Variants in ARNT observed in about 807,000 individuals in gnomAD.
ARNT encodes class E basic helix-loop-helix protein 2.
A neutral mutation model predicts 105.0 loss-of-function variants in ARNT; 30 were observed. The observed-to-expected ratio is 0.29, with a 90% CI of 0.21 to 0.39. The LOEUF is 0.39. Ranked by LOEUF, ARNT falls within the 10% of genes least tolerant of loss-of-function variation. The pLI is 1.00. For synonymous variants in ARNT, 304 were observed against 344.0 expected, an observed-to-expected ratio of 0.88 and a Z score of 1.29; for missense variants, 748 against 978.7, an observed-to-expected ratio of 0.76 and a Z score of 3.15.
At chr1:150,868,274 GCAAGACCCTGTCTCAAAAAAGAGT>G (rs1310906004) in intron 1 of ARNT, among the ~76,000 whole-genome samples, 1 of 151,994 alleles carries the variant, frequency 6.6e-6, no homozygotes, top group Non-Finnish European at 1.5e-5. Flanking sequence ...GGGCAACATA[GCAAGACCCTGTCTCAAAAAAGAGT>G]CAAGACCCTG....
intron 3 of ARNT, among the ~76,000 whole-genome samples, chr1:150,850,683 C>T (rs1663206563): frequency 6.6e-6 from 1 of 152,260 alleles, no homozygotes; most frequent in South Asian, 2.1e-4. Context: ...GCCAGGATTG[C>T]AGCCTCTGCC....
intron 1 of ARNT, among the ~76,000 whole-genome samples, chr1:150,876,153 A>G (rs1368623139): frequency 1.3e-5 from 2 of 152,252 alleles, no homozygotes; most frequent in Non-Finnish European, 2.9e-5. Flanking sequence ...AACTACTCTT[A>G]AAGTAAACCG....
intron 1 of ARNT, among the ~76,000 whole-genome samples, chr1:150,866,645 G>A (rs879347806): frequency 2.5e-4 from 38 of 151,994 alleles, no homozygotes; most frequent in Non-Finnish European, 4.6e-4. Flanking sequence ...ATATATGGAT[G>A]TATAGTTTTG....
intron 12 of ARNT, among the ~76,000 whole-genome samples, chr1:150,827,205 C>G (rs1658466838): frequency 6.6e-6 from 1 of 151,998 alleles, no homozygotes; most frequent in South Asian, 2.1e-4. Flanking sequence ...ATTCATAATT[C>G]AGCCATTCTA....
intron 2 of ARNT, among the ~76,000 whole-genome samples, chr1:150,856,404 C>T (rs1025796803): frequency 1.3e-5 from 2 of 152,064 alleles, no homozygotes; most frequent in South Asian, 2.1e-4. Context: ...CACACTACTG[C>T]ACTCCAGCCT....
intron 15 of ARNT, 137 bp from the exon 16 acceptor site, chr1:150,817,570 G>T: frequency 1.3e-6 from 1 of 777,360 alleles, no homozygotes; most frequent in South Asian, 1.8e-5. Flanking sequence ...CACTTTGGGA[G>T]GCCGAAGCAG....
chr1:150,857,498 G>C (rs974307690), intron 2 of ARNT, among the ~76,000 whole-genome samples: 1 of 152,146 alleles, frequency 6.6e-6, no homozygotes, highest in Non-Finnish European at 1.5e-5. Context: ...TGTTACTCAT[G>C]TTACCACTGA....
intron 3 of ARNT, among the ~76,000 whole-genome samples, chr1:150,851,185 A>AGCCACCCCGTCCG (rs1557928132): frequency 6.7e-6 from 1 of 148,758 alleles, no homozygotes; most frequent in East Asian, 2.1e-4. Context: ...CACCCCGTCC[A>AGCCACCCCGTCCG]GGAGAGAGGC....
rs587710214 is a variant in ARNT at position 150,872,639 on chromosome 1, C to A, written c.25+3904G>T. 5.3e-5 allele frequency among the ~76,000 whole-genome samples: 8 copies of A among 152,288 alleles called. No individual in the cohort carries two copies. The East Asian group carries it at 1.4e-3, about 26-fold the overall frequency. On this transcript the variant is annotated intron_variant, in intron 1 of 21. Transcript: ENST00000358595. Reference sequence around the variant, plus strand: ...CTCCCAACTGTTCCCTCAGCCAATGCATTACAAATGACACATTCAATTTAA... The same window carrying A: ...CTCCCAACTGTTCCCTCAGCCAATGAATTACAAATGACACATTCAATTTAA...
chr1:150,875,498 C>G (rs587715681), intron 1 of ARNT, among the ~76,000 whole-genome samples: 40 of 151,390 alleles, frequency 2.6e-4, no homozygotes, highest in African/African-American at 8.9e-4. Flanking sequence ...CTCCGCCCCA[C>G]GCAACACACA....
Position 150,858,370 on chromosome 1 carries a change from C to G in ARNT, c.116G>C (p.Arg39Thr). Residue 39 changes from arginine (R) to threonine (T), a missense_variant, in exon 2 of 22, where the codon AGG (arginine) becomes ACG (threonine). Physicochemically the swap from Arg to Thr is moderately conservative, Grantham distance 71 (BLOSUM62 -1). Coordinates refer to ENST00000358595, the MANE Select transcript of ARNT (RefSeq NM_001668.4). ...TCACCCTGGTCGCCGCTTAATAGCC[C>G]TCTGGACAATGGCTCCTCCACCTTG... ...GIQGGGAIVQ[R>T]AIKRRPGLDF... 6.2e-7 allele frequency: 1 copy of G among 1,608,372 alleles called. No homozygotes were observed. Among genetic ancestry groups the G allele is most frequent in the Non-Finnish European group, 8.5e-7 (1 of 1,177,160 alleles).
At chr1:150,842,263 C>T (rs1661423233) in intron 5 of ARNT, 161 bp downstream of exon 5, 1 of 985,186 alleles carries the variant, frequency 1.0e-6, no homozygotes, top group Admixed American at 6.2e-5. Flanking sequence ...ATGGGGGAAG[C>T]CAAAGTTCCT....
intron 3 of ARNT, among the ~76,000 whole-genome samples, chr1:150,851,456 T>G (rs587651743): frequency 1.9e-4 from 29 of 152,344 alleles, no homozygotes; most frequent in Admixed American, 6.5e-4. Context: ...AATCAGATTG[T>G]TGCTGTGTCT....
intron 21 of ARNT, 44 bp from the exon 22 acceptor site, chr1:150,812,154 T>C (rs1431652959): frequency 1.4e-6 from 2 of 1,408,854 alleles, no homozygotes; most frequent in African/African-American, 2.9e-5. Context: ...CACCTTGATC[T>C]CTTACACTTA....
chr1:150,846,439 G>A, intron 3 of ARNT, 132 bp from the exon 4 acceptor site: 1 of 822,136 alleles, frequency 1.2e-6, no homozygotes, highest in Non-Finnish European at 1.9e-6. Flanking sequence ...CAAAGTGATA[G>A]AAATAACAGC....
chr1:150,864,424 A>G (rs1666177340), intron 1 of ARNT, among the ~76,000 whole-genome samples: 1 of 152,140 alleles, frequency 6.6e-6, no homozygotes, highest in South Asian at 2.1e-4. Context: ...ATGGAATACT[A>G]TGCAGCCATA....
intron 1 of ARNT, among the ~76,000 whole-genome samples, chr1:150,859,732 G>A (rs1015180505): frequency 3.9e-5 from 6 of 152,120 alleles, no homozygotes; most frequent in Non-Finnish European, 5.9e-5. Flanking sequence ...GGTGCAGGCT[G>A]GGCACAGTGG....
intron 21 of ARNT, 99 bp from the exon 22 acceptor site, chr1:150,812,209 C>T (rs957422206): frequency 2.9e-5 from 24 of 831,134 alleles, no homozygotes; most frequent in Admixed American, 2.7e-4. Context: ...TCCCTGACCC[C>T]GAGTCTTTGC....
At position 150,823,256 on chromosome 1, in the gene ARNT, A is replaced by G. The variant is rs762042083; in HGVS notation, c.1332T>C (p.Phe444=). The G allele has an allele frequency of 5.5e-5, 89 of 1,613,966 alleles. 2 individuals are homozygous for G. In the South Asian group the frequency reaches 9.7e-4, roughly 18 times the overall value. Residue 444 remains phenylalanine (F), a synonymous_variant, in exon 14 of 22, where the codon TTT becomes TTC. Coordinates refer to ENST00000358595, the MANE Select transcript of ARNT (RefSeq NM_001668.4). Reference sequence around the variant, plus strand: ...CATCTGAGTAAGGGTTCTGGAAAGTAAAGGAGCTGGTTCTCATCCAGAGCC... The same window carrying G: ...CATCTGAGTAAGGGTTCTGGAAAGTGAAGGAGCTGGTTCTCATCCAGAGCC... ...QEWLWMRTSS[F]TFQNPYSDEI... is the part of the protein sequence containing the mutation.
Sources: allele counts gnomAD v4.1 joint callset (sites outside exome capture counted in the v4.1 genomes callset), GRCh38; gene constraint gnomAD v4.1.1; transcripts MANE v1.5; gene names NCBI Gene and HGNC (gene_info 2026-07-23, HGNC 2026-07-21).